TMEM178B: variants seen among roughly 807,000 people sequenced by gnomAD.
TMEM178B encodes transmembrane protein 178B.
TMEM178B carries 5 observed loss-of-function variants against 31.0 expected under a neutral mutation model. The observed-to-expected ratio is 0.16, with a 90% confidence interval of 0.08 to 0.34. The LOEUF (loss-of-function observed/expected upper bound fraction) is 0.34. Ranked by LOEUF, TMEM178B falls within the 10% of genes least tolerant of loss-of-function variation. The pLI, the probability that TMEM178B is intolerant of heterozygous loss-of-function variation, is 1.00. For missense variants in TMEM178B, 275 were observed against 400.3 expected (o/e 0.69, Z 2.67); for synonymous variants, 164 against 164.0 (o/e 1.00, Z 0.00).
At chr7:141,398,816 A>G (rs568138923) in intron 2 of TMEM178B, among the ~76,000 whole-genome samples, 2 of 152,324 alleles carry the variant, frequency 1.3e-5, no homozygotes, top group African/African-American at 4.8e-5. Flanking sequence ...ACCCAGAAAG[A>G]TGAACTGACT....
chr7:141,451,154 A>G (rs1457412688), intron 3 of TMEM178B, among the ~76,000 whole-genome samples: 2 of 152,308 alleles, frequency 1.3e-5, no homozygotes, highest in East Asian at 3.9e-4. Context: ...AGTGTTAACA[A>G]AGGCCTCAGG....
downstream of TMEM178B, among the ~76,000 whole-genome samples, chr7:141,481,731 T>C (rs1052646498): frequency 6.6e-6 from 1 of 152,074 alleles, no homozygotes; most frequent in African/African-American, 2.4e-5. Flanking sequence ...GGAAAAGAAC[T>C]TGAAGAAATG....
At chr7:141,154,465 T>C (rs1192726188) in intron 1 of TMEM178B, among the ~76,000 whole-genome samples, 2 of 152,180 alleles carry the variant, frequency 1.3e-5, no homozygotes, top group Non-Finnish European at 2.9e-5. Context: ...TGGCTTGGTA[T>C]GGATGGGAAA....
chr7:141,162,551 A>T (rs1362261480), intron 1 of TMEM178B, among the ~76,000 whole-genome samples: 2 of 152,264 alleles, frequency 1.3e-5, no homozygotes, highest in African/African-American at 4.8e-5. Context: ...AGCAATATTC[A>T]TCCCATTATA....
chr7:141,154,509 A>G (rs1438891481), intron 1 of TMEM178B, among the ~76,000 whole-genome samples: 1 of 152,162 alleles, frequency 6.6e-6, no homozygotes, highest in African/African-American at 2.4e-5. Context: ...GGCTCCCCTA[A>G]ACTGATCACA....
At chr7:141,336,138 C>T (rs950505271) in intron 2 of TMEM178B, among the ~76,000 whole-genome samples, 2 of 152,202 alleles carry the variant, frequency 1.3e-5, no homozygotes, top group South Asian at 4.2e-4. Flanking sequence ...ATCTCGCTGG[C>T]CCCGCCCTGG....
chr7:141,491,804 ACATAAAAG>A, the TMEM178B span, among the ~76,000 whole-genome samples: 1 of 152,294 alleles, frequency 6.6e-6, no homozygotes, highest in African/African-American at 2.4e-5. Flanking sequence ...AACAAGCAAA[ACATAAAAG>A]CACTTGGAGC....
At chr7:141,483,292 C>T (rs1802508375), downstream of TMEM178B, among the ~76,000 whole-genome samples, 1 of 152,162 alleles carries the variant, frequency 6.6e-6, no homozygotes. Flanking sequence ...ACTTCCTGTC[C>T]ACATGAGAGT....
intron 1 of TMEM178B, among the ~76,000 whole-genome samples, chr7:141,093,177 A>G (rs907808874): frequency 3.3e-5 from 5 of 152,174 alleles, no homozygotes; most frequent in Admixed American, 2.0e-4. Flanking sequence ...CATATATAGA[A>G]GCCAGGAGAC....
chr7:141,107,018 A>G (rs1795158662), intron 1 of TMEM178B, among the ~76,000 whole-genome samples: 2 of 152,202 alleles, frequency 1.3e-5, no homozygotes, highest in Admixed American at 1.3e-4. Context: ...TTGCAATTTC[A>G]AATAGACTGG....
rs140803689 is a variant in TMEM178B at position 141,288,743 on chromosome 7, G to A, written c.496+76039G>A. 5.5e-4 allele frequency among the ~76,000 whole-genome samples: 84 copies of A among 152,304 alleles called. 1 individual carries two copies. Among genetic ancestry groups the A allele is most frequent in the African/African-American group, 2.0e-3 (84 of 41,572 alleles). On this transcript the variant is annotated intron_variant, in intron 2 of 3. Transcript: ENST00000565468. Reference sequence around the variant, plus strand: ...GAAGAGCCGTTCCCACACAGGCAGCGAATACCAGGCTCTACAGTAAAGAGT... The same window carrying A: ...GAAGAGCCGTTCCCACACAGGCAGCAAATACCAGGCTCTACAGTAAAGAGT...
intron 2 of TMEM178B, among the ~76,000 whole-genome samples, chr7:141,364,410 C>A (rs1255723868): frequency 6.6e-6 from 1 of 152,050 alleles, no homozygotes; most frequent in Non-Finnish European, 1.5e-5. Context: ...CCTGTAATCC[C>A]AGCACTTTGG....
At chr7:141,305,573 G>A (rs1798803435) in intron 2 of TMEM178B, among the ~76,000 whole-genome samples, 1 of 151,934 alleles carries the variant, frequency 6.6e-6, no homozygotes, top group African/African-American at 2.4e-5. Context: ...GATTACAGGC[G>A]AGTGCCACCA....
chr7:141,369,355 GTGTA>G (rs769687952), intron 2 of TMEM178B, among the ~76,000 whole-genome samples: 2,969 of 134,090 alleles, frequency 0.022, 44 homozygotes, highest in South Asian at 0.067. Context: ...GTGTGTGTGT[GTGTA>G]TGTGTGTGTG....
At chr7:141,420,750 T>A (rs1044788558) in intron 2 of TMEM178B, among the ~76,000 whole-genome samples, 2 of 152,170 alleles carry the variant, frequency 1.3e-5, no homozygotes, top group Non-Finnish European at 2.9e-5. Context: ...ATTGATTTGA[T>A]TTATGGTTCC....
At chr7:141,381,951 C>T (rs112468123) in intron 2 of TMEM178B, among the ~76,000 whole-genome samples, 4 of 152,122 alleles carry the variant, frequency 2.6e-5, no homozygotes, top group African/African-American at 9.7e-5. Context: ...GATCAGATAC[C>T]GTCTGCTATC....
intron 1 of TMEM178B, among the ~76,000 whole-genome samples, chr7:141,195,070 C>T (rs889246438): frequency 1.6e-4 from 24 of 152,324 alleles, no homozygotes; most frequent in African/African-American, 5.5e-4. Flanking sequence ...CTTCTTGGGC[C>T]TCCAGGCCTG....
chr7:141,156,020 G>A (rs546698657), intron 1 of TMEM178B, among the ~76,000 whole-genome samples: 5 of 152,202 alleles, frequency 3.3e-5, no homozygotes, highest in Non-Finnish European at 2.9e-5. Context: ...AGCCGAGATC[G>A]TACCACTGCA....
At chr7:141,188,039 T>A (rs1040580472) in intron 1 of TMEM178B, among the ~76,000 whole-genome samples, 3 of 152,178 alleles carry the variant, frequency 2.0e-5, no homozygotes, top group Admixed American at 6.5e-5. Flanking sequence ...CTGAATGGTA[T>A]TGCCTAGGTT....
Sources: gnomAD v4.1 joint callset for allele counts (sites outside exome capture counted in the v4.1 genomes callset) on GRCh38, gnomAD v4.1.1 for gene constraint, MANE v1.5 for transcripts, NCBI Gene and HGNC (gene_info 2026-07-23, HGNC 2026-07-21) for gene names.